Variants in NQO2 observed in about 807,000 individuals in gnomAD.
NQO2 encodes ribosyldihydronicotinamide dehydrogenase [quinone].
A neutral mutation model predicts 22.0 loss-of-function variants in NQO2; 18 were observed. That is an observed-to-expected ratio of 0.82 (90% CI 0.56 to 1.21). The LOEUF is 1.21. NQO2 is among the 50% of genes most tolerant of loss of function. The pLI is 0.00. For missense variants in NQO2, 267 were observed against 286.9 expected (o/e 0.93, Z 0.50); for synonymous variants, 106 against 110.8 (o/e 0.96, Z 0.28).
intron 1 of NQO2, among the ~76,000 whole-genome samples, chr6:3,000,923 A>G (rs1756671618): frequency 6.6e-6 from 1 of 151,372 alleles, no homozygotes; most frequent in Non-Finnish European, 1.5e-5. Flanking sequence ...GCTCACTGCA[A>G]CCTCTGCCTT....
intron 1 of NQO2, among the ~76,000 whole-genome samples, chr6:3,001,822 G>T (rs920468998): frequency 6.6e-6 from 1 of 152,170 alleles, no homozygotes; most frequent in Admixed American, 6.5e-5. Context: ...TGTAGGCCTG[G>T]GTAGGTGCAT....
chr6:3,004,921 A>G (rs550920190), intron 1 of NQO2, among the ~76,000 whole-genome samples: 5 of 151,892 alleles, frequency 3.3e-5, no homozygotes, highest in Non-Finnish European at 7.4e-5. Context: ...CAGCCTCCCG[A>G]GTAGCTGGGA....
chr6:3,001,171 C>A (rs1227073430), intron 1 of NQO2, among the ~76,000 whole-genome samples: 1 of 151,254 alleles, frequency 6.6e-6, no homozygotes, highest in Non-Finnish European at 1.5e-5. Context: ...CTCACTGCAA[C>A]CTCTGCCTCC....
At chr6:3,000,666 C>T (rs930157543) in intron 1 of NQO2, among the ~76,000 whole-genome samples, 5 of 151,544 alleles carry the variant, frequency 3.3e-5, no homozygotes, top group African/African-American at 9.7e-5. Flanking sequence ...CTCAGCCTCC[C>T]GAGTACCTGG....
At chr6:3,018,216 G>A (rs1248740926) in intron 6 of NQO2, among the ~76,000 whole-genome samples, 1 of 152,186 alleles carries the variant, frequency 6.6e-6, no homozygotes, top group African/African-American at 2.4e-5. Flanking sequence ...ATAAAGTCAT[G>A]TTGTCTGAAG....
intron 5 of NQO2, among the ~76,000 whole-genome samples, chr6:3,016,367 G>A (rs560100766): frequency 2.0e-5 from 3 of 149,808 alleles, no homozygotes; most frequent in Non-Finnish European, 4.4e-5. Context: ...GGAGGTGGAG[G>A]TTGCAGTGAG....
Position 3,015,558 on chromosome 6 carries a change from C to T in NQO2, c.332C>T (p.Ala111Val), listed in dbSNP as rs1247474134. ...QFPLYWFSVP[A>V]ILKGWMDRVL... ...CCGCTGTACTGGTTCAGCGTGCCAG[C>T]CATCCTGAAGGGCTGGATGGATAGG... is the stretch of plus-strand genomic sequence containing the variant. Residue 111 changes from alanine to valine, a missense_variant, in exon 5 of 7, where the codon GCC becomes GTC. Ala to Val is a moderately conservative substitution (Grantham distance 64, BLOSUM62 0). Coordinates refer to ENST00000380455, the MANE Select transcript of NQO2 (RefSeq NM_000904.6). The T allele has an allele frequency of 1.2e-6, 2 of 1,614,096 alleles. No homozygotes were observed. Among genetic ancestry groups the T allele is most frequent in the South Asian group, 1.1e-5 (1 of 91,078 alleles).
intron 1 of NQO2, chr6:3,002,030 T>G: frequency 6.1e-6 from 1 of 162,960 alleles, no homozygotes; most frequent in Non-Finnish European, 1.3e-5. Flanking sequence ...GGACCTCAGA[T>G]TCTTATTCTT....
Position 3,015,567 on chromosome 6 carries a change from A to T in NQO2, c.341A>T (p.Lys114Met), listed in dbSNP as rs1757296854. Residue 114 changes from lysine to methionine, a missense_variant, in exon 5 of 7, where the codon AAG becomes ATG. By Grantham distance (95) the Lys-to-Met change is moderately conservative. Transcript: ENST00000380455. ...LYWFSVPAILKGWMDRVLCQG... is the reference protein window; with the variant it reads ...LYWFSVPAILMGWMDRVLCQG... ...TGGTTCAGCGTGCCAGCCATCCTGA[A>T]GGGCTGGATGGATAGGGTGCTGTGC... is the stretch of plus-strand genomic sequence containing the variant. 6.2e-7 allele frequency: 1 copy of T among 1,614,126 alleles called. No homozygotes were observed. Among genetic ancestry groups the T allele is most frequent in the African/African-American group, 1.3e-5 (1 of 75,028 alleles).
chr6:3,013,545 A>T (rs924501447), intron 4 of NQO2, among the ~76,000 whole-genome samples: 1 of 151,938 alleles, frequency 6.6e-6, no homozygotes, highest in African/African-American at 2.4e-5. Flanking sequence ...AAATATCCTG[A>T]TCATTAAGAG....
chr6:3,018,017 A>T (rs1757398786), intron 6 of NQO2, among the ~76,000 whole-genome samples: 1 of 152,222 alleles, frequency 6.6e-6, no homozygotes, highest in Non-Finnish European at 1.5e-5. Context: ...CAGGCAGTGC[A>T]CATTGACTAA....
intron 1 of NQO2, among the ~76,000 whole-genome samples, chr6:3,005,083 C>T (rs1053635192): frequency 2.0e-5 from 3 of 152,152 alleles, no homozygotes; most frequent in Non-Finnish European, 4.4e-5. Context: ...GTGTGAGCCA[C>T]GGTGCCTGAC....
intron 1 of NQO2, among the ~76,000 whole-genome samples, chr6:3,003,364 A>G (rs1175839214): frequency 2.7e-5 from 4 of 150,910 alleles, no homozygotes; most frequent in African/African-American, 5.0e-5. Context: ...CTTCACAATC[A>G]CTGCCCTCCC....
chr6:3,007,610 C>G (rs73718697), intron 2 of NQO2, among the ~76,000 whole-genome samples: 5,672 of 152,274 alleles, frequency 0.037, 120 homozygotes, highest in African/African-American at 0.055. Context: ...GCCTCCCAGA[C>G]GAAGTCAGTA....
In NQO2 at chr6:3,006,416, C is replaced by T. The variant is rs917313641; in HGVS notation, c.-85-52C>T. On this transcript the variant is annotated intron_variant, in intron 1 of 6. Coordinates refer to ENST00000380455, the MANE Select transcript of NQO2 (RefSeq NM_000904.6). This position sits in a 1 kb window ranked among gnomAD's most constrained non-coding sequence, Gnocchi z 4.0. ...CAGTGATGCCTAGATGTGGTACATT[C>T]GACCTCACCTATGCCTCTCCCCACC... The T allele has an allele frequency of 1.7e-5, 25 of 1,508,216 alleles. No homozygotes were observed. The highest frequency in any genetic ancestry group is 1.8e-4 in the Middle Eastern group (1 of 5,530). The allele number at this position is 1,508,216 out of a possible 1,614,324, so 93.4% of individuals were successfully genotyped here.
intron 6 of NQO2, among the ~76,000 whole-genome samples, chr6:3,017,279 G>C (rs370806366): frequency 1.3e-5 from 2 of 152,222 alleles, no homozygotes; most frequent in East Asian, 3.9e-4. Flanking sequence ...CAGAAGCTAA[G>C]CCAAACCTGC....
In NQO2 at chr6:3,010,173, A is replaced by C. The variant is rs140937788; in HGVS notation, c.156A>C (p.Thr52=). ...LYAMNLEPRA[T]DKDITGTLSN... is the part of the protein sequence containing the mutation. ...CCATGAACCTTGAGCCGAGGGCCAC[A>C]GACAAAGATATCACTGGTGAGTCAT... The change falls in exon 3 of 7, where the codon ACA becomes ACC. Residue 52 remains threonine (T), a synonymous_variant. Transcript: ENST00000380455. 5 of 1,611,246 alleles carry C rather than the reference A, an allele frequency of 3.1e-6. No individual in the cohort carries two copies. In the African/African-American group the frequency reaches 4.0e-5, roughly 13 times the overall value.
intron 4 of NQO2, among the ~76,000 whole-genome samples, chr6:3,014,216 C>A (rs1392139275): frequency 6.6e-6 from 1 of 152,206 alleles, no homozygotes; most frequent in Non-Finnish European, 1.5e-5. Flanking sequence ...GCTGCCTCAT[C>A]CCTGCCCAGG....
At chr6:3,012,358 A>G in intron 3 of NQO2, 186 bp from the exon 4 acceptor site, 1 of 984,698 alleles carries the variant, frequency 1.0e-6, no homozygotes, top group Middle Eastern at 5.2e-4. Flanking sequence ...GCAAGTGCTC[A>G]ATCAGCAGCC....
Sources: allele counts gnomAD v4.1 joint callset (sites outside exome capture counted in the v4.1 genomes callset), GRCh38; gene constraint gnomAD v4.1.1; non-coding constraint Gnocchi (gnomAD v3.1); transcripts MANE v1.5; gene names NCBI Gene and HGNC (gene_info 2026-07-23, HGNC 2026-07-21).